Variants in PPM1K observed in about 807,000 individuals in gnomAD.
PPM1K encodes protein phosphatase, Mg2+/Mn2+ dependent 1K.
A neutral mutation model predicts 32.6 loss-of-function variants in PPM1K; 19 were observed. The observed-to-expected ratio is 0.58, with a 90% CI of 0.41 to 0.86. PPM1K has a LOEUF of 0.86. Among genes scored for constraint, PPM1K ranks in the 40% least tolerant of loss-of-function variants. PPM1K has a pLI of 0.00. For synonymous variants in PPM1K, 159 were observed against 165.3 expected (o/e 0.96, Z 0.29); for missense variants, 362 against 461.2 (o/e 0.78, Z 1.97).
chr4:88,268,049 A>G (rs1236354298), intron 5 of PPM1K, 141 bp downstream of exon 5: 21 of 834,980 alleles, frequency 2.5e-5, no homozygotes, highest in Non-Finnish European at 4.0e-5. Context: ...TTTTACCTGA[A>G]AAGTTTTTTT....
chr4:88,272,110 T>C lies in PPM1K; in HGVS notation c.542-3204A>G, dbSNP rs137862843. Among the ~76,000 whole-genome samples the C allele has an allele frequency of 4.3e-3, 653 of 152,340 alleles. 20 individuals carry two copies. The highest frequency in any genetic ancestry group is 0.028 in the Admixed American group (432 of 15,304). ...AATTACTCAATTGTGTAAATAATAC[T>C]ATGTATAAACCAATACAGTTTCAAT... On this transcript the variant is annotated intron_variant, in intron 3 of 6. Coordinates refer to ENST00000608933, the MANE Select transcript of PPM1K (RefSeq NM_152542.5).
rs1731059502 is a variant in PPM1K, at chr4:88,260,017, T to C, written c.*2578A>G. ...AAAGTAAAAGATAGGAATAGTAATG[T>C]AAAGCATTCAAAACAAAAATGAAAC... On this transcript the variant is annotated 3_prime_UTR_variant, in exon 7 of 7. Transcript: ENST00000608933. 6.6e-6 allele frequency: 1 copy of C among 152,222 alleles called. No homozygotes were observed. Among genetic ancestry groups the C allele is most frequent in the African/African-American group, 2.4e-5 (1 of 41,456 alleles). The allele number at this position is 152,222 out of a possible 1,614,324, so 9.4% of individuals were successfully genotyped here.
intron 3 of PPM1K, 57 bp downstream of exon 3, chr4:88,277,086 C>A: frequency 1.5e-6 from 2 of 1,323,524 alleles, no homozygotes; most frequent in Non-Finnish European, 2.2e-6. Context: ...TTCCTTTTTA[C>A]TCCTCCCCCA....
chr4:88,271,011 T>C (rs189854555), intron 3 of PPM1K: 1 of 502,350 alleles, frequency 2.0e-6, no homozygotes, highest in East Asian at 5.6e-5. Flanking sequence ...GGACAATTTC[T>C]ACTGCAAGTC....
intron 5 of PPM1K, among the ~76,000 whole-genome samples, chr4:88,265,686 T>C (rs1035366207): frequency 1.3e-5 from 2 of 152,248 alleles, no homozygotes; most frequent in Non-Finnish European, 2.9e-5. Context: ...CCAGCAAGGA[T>C]AAAGCTAATA....
Position 88,259,467 on chromosome 4 carries a change from A to G in PPM1K, c.*3128T>C, listed in dbSNP as rs1431151011. The G allele has an allele frequency of 3.9e-5, 6 of 152,198 alleles. No individual in the cohort carries two copies. Among genetic ancestry groups the G allele is most frequent in the Non-Finnish European group, 5.9e-5 (4 of 68,028 alleles). 9.4% of individuals were successfully genotyped at this position (152,198 alleles called of 1,614,324 possible). A position where few individuals can be genotyped will look rare whatever the true frequency, so the allele number is the denominator to read the frequency against. On this transcript the variant is annotated 3_prime_UTR_variant, in exon 7 of 7. Coordinates refer to ENST00000608933, the MANE Select transcript of PPM1K (RefSeq NM_152542.5). ...AAAGGTGATTTCTATACTACACATA[A>G]ATGAAAGACAAACCGAACCACAATT...
Position 88,268,917 on chromosome 4 carries a change from TA to T in PPM1K, c.542-12del. The stretch of plus-strand genomic sequence containing the variant: ...AGGTCAGAAGAGTTGCTACAAGTAT[TA>T]TGAAAAAAAGAGTACAAGTTAGTGA... On this transcript the variant is annotated splice_polypyrimidine_tract_variant and intron_variant, in intron 3 of 6. Transcript: ENST00000608933. 6.3e-7 allele frequency: 1 copy of T among 1,586,526 alleles called. No individual in the cohort carries two copies. The highest frequency in any genetic ancestry group is 1.2e-5 in the South Asian group (1 of 86,416).
intron 1 of PPM1K, among the ~76,000 whole-genome samples, chr4:88,280,437 GA>G (rs1345038064): frequency 6.6e-6 from 1 of 152,212 alleles, no homozygotes; most frequent in Non-Finnish European, 1.5e-5. Flanking sequence ...GGGGGTTGGA[GA>G]GTGGCAGAGA....
At position 88,277,183 on chromosome 4, in the gene PPM1K, T is replaced by C; in HGVS notation, c.501A>G (p.Ile167Met). The stretch of plus-strand genomic sequence containing the variant: ...GGGCATGACTCGAAAAGGCTTTATC[T>C]ATTTCTAGAAAAGCCAAGGTCAACA... Reference protein sequence around the residue: ...ETLLTLAFLEIDKAFSSHARL... With the variant: ...ETLLTLAFLEMDKAFSSHARL... Residue 167 changes from isoleucine (I) to methionine (M), a missense_variant, in exon 3 of 7, where the codon ATA becomes ATG. Ile to Met is a conservative substitution (Grantham distance 10). Transcript: ENST00000608933. The C allele has an allele frequency of 1.2e-6, 2 of 1,614,056 alleles. No individual in the cohort carries two copies. Among genetic ancestry groups the C allele is most frequent in the Non-Finnish European group, 1.7e-6 (2 of 1,179,928 alleles).
Position 88,268,881 on chromosome 4 carries a change from A to C in PPM1K, c.567T>G (p.Thr189=). The change falls in exon 4 of 7, where the codon ACT becomes ACG. Residue 189 remains threonine (T), a synonymous_variant. Coordinates refer to ENST00000608933, the MANE Select transcript of PPM1K (RefSeq NM_152542.5). ...CATCTCGCAATAGGGCTACTGTTGC[A>C]GTAGTCCCAGAGGTCAGAAGAGTTG... The part of the protein sequence containing the change: ...ADATLLTSGT[T]ATVALLRDGI... The C allele has an allele frequency of 1.2e-6, 2 of 1,613,684 alleles. No homozygotes were observed. The highest frequency in any genetic ancestry group is 1.1e-5 in the South Asian group (1 of 90,910).
In PPM1K at chr4:88,261,100, A is replaced by G. The variant is rs980673901; in HGVS notation, c.*1495T>C. 6.6e-5 allele frequency: 10 copies of G among 152,232 alleles called. No individual in the cohort carries two copies. Among genetic ancestry groups the G allele is most frequent in the African/African-American group, 2.4e-4 (10 of 41,460 alleles). The allele number at this position is 152,232 out of a possible 1,614,324, so 9.4% of individuals were successfully genotyped here. ...ATATGTACACATACTCACACATATAACAAATTTACATAGTTTGCAGAAATA... is the reference window on the plus strand; with the variant it reads ...ATATGTACACATACTCACACATATAGCAAATTTACATAGTTTGCAGAAATA... On this transcript the variant is annotated 3_prime_UTR_variant, in exon 7 of 7. Transcript: ENST00000608933.
In PPM1K at chr4:88,262,374, C is replaced by T. The variant is rs1731150747; in HGVS notation, c.*221G>A. ...CCAAACCACTTCTCATTTGCTCTTT[C>T]CATTTAAAGACTCACAGTAGCTTCA... On this transcript the variant is annotated 3_prime_UTR_variant, in exon 7 of 7. Transcript: ENST00000608933. 1 of 402,160 alleles carries T rather than the reference C, an allele frequency of 2.5e-6. No individual in the cohort carries two copies. Among genetic ancestry groups the T allele is most frequent in the African/African-American group, 2.1e-5 (1 of 48,718 alleles). The allele number at this position is 402,160 out of a possible 1,614,324, so 24.9% of individuals were successfully genotyped here.
At chr4:88,266,761 AGTGATGCTGGCCGATTGGGTGCAG>A (rs1309924295) in intron 5 of PPM1K, among the ~76,000 whole-genome samples, 6 of 87,906 alleles carry the variant, frequency 6.8e-5, no homozygotes, top group African/African-American at 2.7e-4. Context: ...ACTGGATGCA[AGTGATGCTGGCCGATTGGGTGCAG>A]GTGATGCTGG....
chr4:88,281,854 A>G (rs1039198710), intron 1 of PPM1K, among the ~76,000 whole-genome samples: 1 of 152,192 alleles, frequency 6.6e-6, no homozygotes, highest in Non-Finnish European at 1.5e-5. Context: ...GAACTCCACA[A>G]TTGGGATCTG....
In PPM1K at chr4:88,258,629, G is replaced by GA. The variant is rs546864477; in HGVS notation, c.*3965dup. 0.063 allele frequency: 8,900 copies of GA among 142,002 alleles called. 333 individuals carry two copies. Among genetic ancestry groups the GA allele is most frequent in the South Asian group, 0.1 (448 of 4,464 alleles). 8.8% of individuals were successfully genotyped at this position (142,002 alleles called of 1,614,324 possible). On this transcript the variant is annotated 3_prime_UTR_variant, in exon 7 of 7. Coordinates refer to ENST00000608933, the MANE Select transcript of PPM1K (RefSeq NM_152542.5). Reference sequence around the variant, plus strand: ...GCGACAGAGCGAGACTCTGTCTCAAGAAAAAAAAAAAATTCCATCTTTTAG... The same window carrying GA: ...GCGACAGAGCGAGACTCTGTCTCAAGAAAAAAAAAAAAATTCCATCTTTTAG...
intron 1 of PPM1K, among the ~76,000 whole-genome samples, chr4:88,281,880 C>T (rs1405084070): frequency 6.6e-6 from 1 of 152,108 alleles, no homozygotes; most frequent in Non-Finnish European, 1.5e-5. Context: ...ATAGACCCCA[C>T]AGCTCTGCCG....
chr4:88,270,064 G>T (rs1731493153), intron 3 of PPM1K, among the ~76,000 whole-genome samples: 1 of 152,180 alleles, frequency 6.6e-6, no homozygotes, highest in Non-Finnish European at 1.5e-5. Context: ...ACATTCCAAA[G>T]ATGACTTCGA....
chr4:88,277,956 C>T, intron 2 of PPM1K, 188 bp downstream of exon 2: 1 of 609,262 alleles, frequency 1.6e-6, no homozygotes, highest in South Asian at 2.0e-5. Context: ...GTTGTTAAAA[C>T]ATGCATTTCT....
rs1731807551 is a variant in PPM1K at position 88,277,222 on chromosome 4, C to T, written c.462G>A (p.Lys154=). 5 of 1,613,900 alleles carry T rather than the reference C, an allele frequency of 3.1e-6. No individual in the cohort carries two copies. The East Asian group carries it at 1.1e-4, about 36-fold the overall frequency. ...KCIMDLLPKE[K]NLETLLTLAF... is the part of the protein sequence containing the mutation. ...CCAAGGTCAACAGAGTTTCCAAGTT[C>T]TTCTCCTTAGGAAGCAAATCCCTTT... Residue 154 remains lysine (K), a synonymous_variant, in exon 3 of 7, where the codon AAG becomes AAA. Transcript: ENST00000608933.
Sources: allele counts gnomAD v4.1 joint callset (sites outside exome capture counted in the v4.1 genomes callset), GRCh38; gene constraint gnomAD v4.1.1; transcripts MANE v1.5; gene names NCBI Gene and HGNC (gene_info 2026-07-23, HGNC 2026-07-21).